TGM1: variants seen among roughly 807,000 people sequenced by gnomAD.
TGM1 encodes the protein transglutaminase 1.
In TGM1, 63 loss-of-function variants were observed where a neutral mutation model predicts 88.7. The ratio of observed to expected loss-of-function variants is 0.71; its 90% confidence interval spans 0.58 to 0.88. The LOEUF is 0.88. Among genes scored for constraint, TGM1 ranks in the 40% least tolerant of loss-of-function variants. TGM1 has a pLI of 0.00. For missense variants in TGM1, 996 were observed against 1,118.0 expected, an observed-to-expected ratio of 0.89 and a Z score of 1.56; for synonymous variants, 415 against 431.1, an observed-to-expected ratio of 0.96 and a Z score of 0.46.
Position 24,249,158 on chromosome 14 carries a change from T to C in TGM1, c.*155A>G. On this transcript the variant is annotated 3_prime_UTR_variant, in exon 15 of 15. Transcript: ENST00000206765. ...TTAGCATCTGTTCCCCCAGTGCAAG[T>C]GAAGACTGACTCCCTCTCCGGGAGC... is the stretch of plus-strand genomic sequence containing the variant. 1 of 697,738 alleles carries C rather than the reference T, an allele frequency of 1.4e-6. No individual in the cohort carries two copies. Among genetic ancestry groups the C allele is most frequent in the South Asian group, 1.5e-5 (1 of 66,766 alleles). The allele number at this position is 697,738 out of a possible 1,614,324, so 43.2% of individuals were successfully genotyped here.
At chr14:24,263,015 C>A (rs2040827764) in intron 1 of TGM1, 74 bp downstream of exon 1, 1 of 156,082 alleles carries the variant, frequency 6.4e-6, no homozygotes, top group African/African-American at 2.4e-5. Flanking sequence ...CCCCACCTTG[C>A]TGGATCCAGG....
chr14:24,249,639 G>A lies in TGM1; in HGVS notation c.2226-98C>T. 1.0e-5 allele frequency: 11 copies of A among 1,055,308 alleles called. No individual in the cohort carries two copies. The South Asian group carries it at 1.5e-4, about 14-fold the overall frequency. 65.4% of individuals were successfully genotyped at this position (1,055,308 alleles called of 1,614,324 possible). A position where few individuals can be genotyped will look rare whatever the true frequency, so the allele number is the denominator to read the frequency against. On this transcript the variant is annotated intron_variant, in intron 14 of 14. Transcript: ENST00000206765. ...AGTCAGGAGGAAGAAGCAGGAGGTG[G>A]ACCCATTCAGACAATTCCAGGCTTA...
intron 9 of TGM1, among the ~76,000 whole-genome samples, chr14:24,257,275 G>A (rs574322143): frequency 6.6e-6 from 1 of 152,224 alleles, no homozygotes; most frequent in Non-Finnish European, 1.5e-5. Flanking sequence ...TAAGGGAGAG[G>A]CTGGACAGAA....
At chr14:24,254,517 A>T in intron 13 of TGM1, 147 bp downstream of exon 13, 1 of 1,323,192 alleles carries the variant, frequency 7.6e-7, no homozygotes. Context: ...CAGATGAGGA[A>T]ACTGAGGCCC....
Position 24,252,474 on chromosome 14 carries a change from C to A in TGM1, c.2225+1678G>T, listed in dbSNP as rs2277485. 1.7e-4 allele frequency among the ~76,000 whole-genome samples: 26 copies of A among 152,354 alleles called. No homozygotes were observed. In the East Asian group the frequency reaches 2.5e-3, roughly 15 times the overall value. Reference sequence around the variant, plus strand: ...TCCCTTAGGACGAGGAACCTCCCCCCACCATGGTGGGGGTGTGGGTAAGAG... The same window carrying A: ...TCCCTTAGGACGAGGAACCTCCCCCAACCATGGTGGGGGTGTGGGTAAGAG... On this transcript the variant is annotated intron_variant, in intron 14 of 14. Transcript: ENST00000206765.
At chr14:24,253,435 T>A (rs1241191696) in intron 14 of TGM1, among the ~76,000 whole-genome samples, 1 of 152,070 alleles carries the variant, frequency 6.6e-6, no homozygotes, top group Non-Finnish European at 1.5e-5. Context: ...TTCGCTTGTG[T>A]GTGTGTGTCT....
intron 14 of TGM1, among the ~76,000 whole-genome samples, chr14:24,250,768 C>G (rs1255074284): frequency 1.3e-5 from 2 of 152,192 alleles, no homozygotes; most frequent in African/African-American, 4.8e-5. Context: ...ATTTTATACA[C>G]TGAACATGAC....
chr14:24,259,629 G>C lies in TGM1; in HGVS notation c.984+75C>G. The C allele has an allele frequency of 7.9e-7, 1 of 1,263,020 alleles. No individual in the cohort carries two copies. The highest frequency in any genetic ancestry group is 1.1e-6 in the Non-Finnish European group (1 of 884,698). The allele number at this position is 1,263,020 out of a possible 1,614,324, so 78.2% of individuals were successfully genotyped here. On this transcript the variant is annotated intron_variant, in intron 6 of 14. Transcript: ENST00000206765. This position sits in a 1 kb window ranked among gnomAD's most constrained non-coding sequence, Gnocchi z 5.7. ...GGGGGTTCTTGAGGAATCCAGAAAG[G>C]GCAGGAGGAGGGTGGGGGTGTGGCG... is the stretch of plus-strand genomic sequence containing the variant.
At chr14:24,254,911 A>C in intron 12 of TGM1, 61 bp downstream of exon 12, 1 of 1,612,880 alleles carries the variant, frequency 6.2e-7, no homozygotes. Flanking sequence ...TGGGGTCTCC[A>C]TGTCCACAGC....
At position 24,254,193 on chromosome 14, in the gene TGM1, G is replaced by A. The variant is rs772044077; in HGVS notation, c.2184C>T (p.Leu728=). Residue 728 remains leucine (L), a synonymous_variant, in exon 14 of 15, where the codon CTC becomes CTT. Coordinates refer to ENST00000206765, the MANE Select transcript of TGM1 (RefSeq NM_000359.3). ...TGGGCCTCTGTAACCCAGAGCCTTC[G>A]AGCCGGAAGACGACATTGGTGAGGG... ...PVTLTNVVFR[L]EGSGLQRPKI... 3.1e-6 allele frequency: 5 copies of A among 1,613,554 alleles called. No homozygotes were observed. The highest frequency in any genetic ancestry group is 1.7e-5 in the Admixed American group (1 of 59,916).
At chr14:24,257,756 A>G (rs1424611438) in intron 9 of TGM1, among the ~76,000 whole-genome samples, 1 of 151,912 alleles carries the variant, frequency 6.6e-6, no homozygotes, top group African/African-American at 2.4e-5. Context: ...GGGAAAGTCT[A>G]ATGTATCAGG....
At chr14:24,251,098 G>C (rs41293946) in intron 14 of TGM1, among the ~76,000 whole-genome samples, 1,534 of 152,226 alleles carry the variant, frequency 0.01, 26 homozygotes, top group African/African-American at 0.035. Flanking sequence ...TCACTTTCTG[G>C]GTCATAAAAT....
rs538074682 is a variant in TGM1 at position 24,260,620 on chromosome 14, T to C, written c.587A>G (p.Gln196Arg). Residue 196 changes from glutamine to arginine, a missense_variant, in exon 4 of 15, where the codon CAG (glutamine) becomes CGG (arginine). Transcript: ENST00000206765. ...GKGGSGGWKA[Q>R]VVKASGQNLN... ...ATTCTGCCCACTGGCCTTGACCACCTGGGCTTTCCAGCCTCCACTGCCCCC... is the reference window on the plus strand; with the variant it reads ...ATTCTGCCCACTGGCCTTGACCACCCGGGCTTTCCAGCCTCCACTGCCCCC... 5.0e-6 allele frequency: 8 copies of C among 1,614,212 alleles called. 1 individual carries two copies. In the South Asian group the frequency reaches 8.8e-5, roughly 18 times the overall value.
Position 24,249,181 on chromosome 14 carries a change from AGCCCTGGACTCCCCCTCCGGG to A in TGM1, c.*111_*131del. On this transcript the variant is annotated 3_prime_UTR_variant, in exon 15 of 15. Coordinates refer to ENST00000206765, the MANE Select transcript of TGM1 (RefSeq NM_000359.3). ...AGTGAAGACTGACTCCCTCTCCGGG[AGCCCTGGACTCCCCCTCCGGG>A]AGCCCTGGACTCCCCACCTGAGCTC... 2.6e-3 allele frequency: 1 copy of A among 388 alleles called. No homozygotes were observed. The highest frequency in any genetic ancestry group is 0.12 in the South Asian group (1 of 8). The allele number at this position is 388 out of a possible 1,614,324, so 0.0% of individuals were successfully genotyped here. A position where few individuals can be genotyped will look rare whatever the true frequency, so the allele number is the denominator to read the frequency against.
rs1299251012 is a variant in TGM1, at chr14:24,259,092, G to C, written c.1142C>G (p.Ala381Gly). 2 of 1,614,096 alleles carry C rather than the reference G, an allele frequency of 1.2e-6. No individual in the cohort carries two copies. Among genetic ancestry groups the C allele is most frequent in the South Asian group, 2.2e-5 (2 of 91,088 alleles). The change falls in exon 7 of 15, where the codon GCT becomes GGT. Residue 381 changes from alanine to glycine, a missense_variant. Ala to Gly is a moderately conservative substitution (Grantham distance 60). Transcript: ENST00000206765. This position sits in a 1 kb window ranked among gnomAD's most constrained non-coding sequence, Gnocchi z 5.7. ...TCCACTACCTGTGGTGGTCACGCCA[G>C]CAAAGACCCAGCACTGGCCATAGGG... The part of the protein sequence containing the change: ...SVPYGQCWVF[A>G]GVTTTVLRCL...
chr14:24,249,626 G>A, intron 14 of TGM1, 85 bp from the exon 15 acceptor site: 1 of 1,201,326 alleles, frequency 8.3e-7, no homozygotes, highest in Non-Finnish European at 1.2e-6. Context: ...TCAGGAGGAA[G>A]AAGCAGGAGG....
chr14:24,260,514 C>T lies in TGM1; in HGVS notation c.693G>A (p.Gly231=), dbSNP rs1298307122. The T allele has an allele frequency of 2.5e-6, 4 of 1,614,218 alleles. No individual in the cohort carries two copies. Among genetic ancestry groups the T allele is most frequent in the South Asian group, 1.1e-5 (1 of 91,088 alleles). ...GGGGGTCAAAGGGCAACTGGAACTC[C>T]CCAGCGTCTGATTGTGTGCGGACTG... ...QFTVRTQSDA[G]EFQLPFDPRN... The change falls in exon 4 of 15, where the codon GGG becomes GGA. Residue 231 remains glycine (G), a synonymous_variant. Coordinates refer to ENST00000206765, the MANE Select transcript of TGM1 (RefSeq NM_000359.3).
At chr14:24,261,615 A>G in intron 3 of TGM1, 80 bp downstream of exon 3, 14 of 1,564,710 alleles carry the variant, frequency 8.9e-6, no homozygotes, top group Non-Finnish European at 1.2e-5. Flanking sequence ...GGAGGAGCCT[A>G]AAGACCTCTC....
intron 4 of TGM1, 39 bp from the exon 5 acceptor site, chr14:24,260,097 T>C (rs759409482): frequency 6.3e-7 from 1 of 1,576,010 alleles, no homozygotes; most frequent in Admixed American, 1.7e-5. Context: ...TCCCTCCAGT[T>C]CTCTCCCTGG....
Sources: allele counts gnomAD v4.1 joint callset (sites outside exome capture counted in the v4.1 genomes callset), GRCh38; gene constraint gnomAD v4.1.1; non-coding constraint Gnocchi (gnomAD v3.1); transcripts MANE v1.5; gene names NCBI Gene and HGNC (gene_info 2026-07-23, HGNC 2026-07-21).